Variants in SEPTIN2 observed in about 807,000 individuals in gnomAD.
SEPTIN2 encodes the protein septin 2.
A neutral mutation model predicts 46.5 loss-of-function variants in SEPTIN2; 34 were observed. The observed-to-expected ratio is 0.73, with a 90% CI of 0.56 to 0.97. The LOEUF (loss-of-function observed/expected upper bound fraction) is 0.97. Among genes scored for constraint, SEPTIN2 ranks in the 50% least tolerant of loss-of-function variants. SEPTIN2 has a pLI of 0.00. For missense variants in SEPTIN2, 347 were observed against 448.4 expected, an observed-to-expected ratio of 0.77 and a Z score of 2.04; for synonymous variants, 175 against 153.4, an observed-to-expected ratio of 1.14 and a Z score of -1.04.
At chr2:241,337,626 T>C (rs544652065) in intron 6 of SEPTIN2, 47 bp from the exon 7 acceptor site, 13 of 1,585,266 alleles carry the variant, frequency 8.2e-6, no homozygotes, top group Non-Finnish European at 1.1e-5. Flanking sequence ...AGAAGAGTTT[T>C]GTATGTATTT....
At chr2:241,340,024 A>G (rs2081043031) in intron 7 of SEPTIN2, among the ~76,000 whole-genome samples, 1 of 152,174 alleles carries the variant, frequency 6.6e-6, no homozygotes, top group Non-Finnish European at 1.5e-5. Context: ...TCTTTTCACA[A>G]TTGTGTGAGC....
chr2:241,336,316 A>G (rs1193516650), intron 5 of SEPTIN2: 4 of 545,708 alleles, frequency 7.3e-6, no homozygotes, highest in African/African-American at 3.8e-5. Flanking sequence ...TCGCAAAGCC[A>G]GTCATCCATA....
At position 241,346,476 on chromosome 2, in the gene SEPTIN2, G is replaced by A. The variant is rs2060243938; in HGVS notation, c.926+227G>A. 6 of 281,092 alleles carry A rather than the reference G, an allele frequency of 2.1e-5. No individual in the cohort carries two copies. In the South Asian group the frequency reaches 2.8e-4, roughly 13 times the overall value. 17.4% of individuals were successfully genotyped at this position (281,092 alleles called of 1,614,324 possible). On this transcript the variant is annotated intron_variant, in intron 10 of 12. Coordinates refer to ENST00000391971, the MANE Select transcript of SEPTIN2 (RefSeq NM_004404.5). Reference sequence around the variant, plus strand: ...CACGTAAAAACTTTAGGCCAGGCACGGTGGCTCATGCCTGTAATCCCAGCA... The same window carrying A: ...CACGTAAAAACTTTAGGCCAGGCACAGTGGCTCATGCCTGTAATCCCAGCA...
chr2:241,334,527 GT>G (rs781461364), intron 3 of SEPTIN2, among the ~76,000 whole-genome samples: 1 of 152,186 alleles, frequency 6.6e-6, no homozygotes, highest in Non-Finnish European at 1.5e-5. Context: ...GAGCGGGAAA[GT>G]TGCCCGACAT....
intron 9 of SEPTIN2, among the ~76,000 whole-genome samples, chr2:241,344,862 TTGAAACCAGCCTGGCTGACATGG>T (rs2081789176): frequency 1.3e-5 from 2 of 150,980 alleles, no homozygotes; most frequent in Admixed American, 6.6e-5. Context: ...GGTCAGGAGT[TTGAAACCAGCCTGGCTGACATGG>T]TGAAACCAGC....
chr2:241,315,599 C>T (rs1473178292), upstream of SEPTIN2: 2 of 152,198 alleles, frequency 1.3e-5, no homozygotes, highest in Non-Finnish European at 2.9e-5. Context: ...ATAAGAAAAC[C>T]GAGCTCATAA....
chr2:241,318,669 C>T (rs1475703233), intron 1 of SEPTIN2, among the ~76,000 whole-genome samples: 1 of 149,144 alleles, frequency 6.7e-6, no homozygotes, highest in East Asian at 1.9e-4. Flanking sequence ...TTATCGTATT[C>T]TAGAATTTTT....
At position 241,352,852 on chromosome 2, in the gene SEPTIN2, C is replaced by G. The variant is rs2060882986; in HGVS notation, c.*915C>G. On this transcript the variant is annotated 3_prime_UTR_variant, in exon 13 of 13. Coordinates refer to ENST00000391971, the MANE Select transcript of SEPTIN2 (RefSeq NM_004404.5). ...TTTTTAAGGAAAATTAGCAGTTGGT[C>G]TATTCAGAATCAAACCTTTTTATAT... 6.6e-6 allele frequency: 1 copy of G among 152,194 alleles called. No individual in the cohort carries two copies. Among genetic ancestry groups the G allele is most frequent in the South Asian group, 2.1e-4 (1 of 4,830 alleles). The allele number at this position is 152,194 out of a possible 1,614,324, so 9.4% of individuals were successfully genotyped here.
At chr2:241,343,591 A>C (rs996632618) in intron 8 of SEPTIN2, among the ~76,000 whole-genome samples, 161 bp from the exon 9 acceptor site, 3 of 152,216 alleles carry the variant, frequency 2.0e-5, no homozygotes, top group African/African-American at 7.2e-5. Flanking sequence ...CCATGTAGAA[A>C]GTATCTGACA....
intron 9 of SEPTIN2, among the ~76,000 whole-genome samples, chr2:241,344,573 G>A (rs1056619334): frequency 6.6e-5 from 10 of 151,830 alleles, no homozygotes; most frequent in Non-Finnish European, 2.9e-5. Context: ...GTGGTGGTGC[G>A]CACCTGTAAT....
At chr2:241,321,733 A>G (rs563448096) in intron 1 of SEPTIN2, among the ~76,000 whole-genome samples, 2 of 151,452 alleles carry the variant, frequency 1.3e-5, no homozygotes, top group Admixed American at 6.6e-5. Context: ...TTCCTTTTCC[A>G]TATTTTTGCT....
At chr2:241,335,912 A>G in intron 4 of SEPTIN2, 63 bp from the exon 5 acceptor site, 1 of 1,612,088 alleles carries the variant, frequency 6.2e-7, no homozygotes, top group South Asian at 1.1e-5. Context: ...ACCTGTCGTA[A>G]GAACGTGAGC....
intron 7 of SEPTIN2, among the ~76,000 whole-genome samples, chr2:241,339,209 C>T (rs2080909691): frequency 6.6e-6 from 1 of 150,670 alleles, no homozygotes; most frequent in Non-Finnish European, 1.5e-5. Context: ...GCCTGGCCAA[C>T]ATGGCAAAAC....
At chr2:241,316,522 G>C (rs1406250857) in intron 1 of SEPTIN2, 6 of 1,521,748 alleles carry the variant, frequency 3.9e-6, no homozygotes, top group Non-Finnish European at 5.3e-6. Flanking sequence ...GGTACCTTCG[G>C]CGAGGAGAGG....
intron 2 of SEPTIN2, chr2:241,325,094 TTCAC>T (rs2077730793): frequency 6.6e-6 from 1 of 152,204 alleles, no homozygotes; most frequent in East Asian, 1.9e-4. Context: ...AAGTCATTAT[TTCAC>T]CACTCAGGAA....
intron 3 of SEPTIN2, among the ~76,000 whole-genome samples, chr2:241,330,994 A>C (rs2078898662): frequency 6.6e-6 from 1 of 152,134 alleles, no homozygotes; most frequent in Admixed American, 6.5e-5. Flanking sequence ...ACATGGTAAA[A>C]CTTCATCTCT....
At chr2:241,346,885 C>A (rs2060291693) in intron 10 of SEPTIN2, among the ~76,000 whole-genome samples, 1 of 152,168 alleles carries the variant, frequency 6.6e-6, no homozygotes, top group Non-Finnish European at 1.5e-5. Context: ...AGGGTGAGGC[C>A]AGGATGAGTG....
intron 11 of SEPTIN2, among the ~76,000 whole-genome samples, chr2:241,349,371 T>TAAA (rs569301265): frequency 8.5e-6 from 1 of 117,264 alleles, no homozygotes; most frequent in African/African-American, 2.8e-5. Flanking sequence ...CCCATCCCTT[T>TAAA]AAAAAAAAAA....
At chr2:241,340,542 C>T (rs747571002) in intron 7 of SEPTIN2, among the ~76,000 whole-genome samples, 32 of 152,282 alleles carry the variant, frequency 2.1e-4, no homozygotes, top group East Asian at 1.2e-3. Context: ...GAAGCGTAGA[C>T]GTTTTTATGC....
Sources: allele counts gnomAD v4.1 joint callset (sites outside exome capture counted in the v4.1 genomes callset), GRCh38; gene constraint gnomAD v4.1.1; transcripts MANE v1.5; gene names NCBI Gene and HGNC (gene_info 2026-07-23, HGNC 2026-07-21).